The following CRHR2 variants were observed in gnomAD, a reference collection of about 807,000 sequenced individuals.
The protein encoded by CRHR2 is corticotropin-releasing hormone receptor 2.
In CRHR2, 53 loss-of-function variants were observed where a neutral mutation model predicts 57.9. The observed-to-expected ratio is 0.92, with a 90% confidence interval of 0.73 to 1.15. The LOEUF (loss-of-function observed/expected upper bound fraction) is 1.15. Among genes scored for constraint, CRHR2 ranks in the 50% most tolerant of loss-of-function variants. The pLI, the probability that CRHR2 is intolerant of heterozygous loss-of-function variation, is 0.00. For missense variants in CRHR2, 532 were observed against 542.6 expected (o/e 0.98, Z 0.19); for synonymous variants, 213 against 220.9 (o/e 0.96, Z 0.32).
At position 30,674,502 on chromosome 7, in the gene CRHR2, T is replaced by C. The variant is rs189561462; in HGVS notation, c.230-7189A>G. Among the ~76,000 whole-genome samples the C allele has an allele frequency of 5.7e-3, 862 of 152,202 alleles. 7 individuals are homozygous for C. Among genetic ancestry groups the C allele is most frequent in the Middle Eastern group, 0.034 (10 of 294 alleles). ...CCCACCTGGTGCAGATGAACTGAGG[T>C]CTGAAGAGGGGAGACCACCTGCCCA... On this transcript the variant is annotated intron_variant, in intron 2 of 11. Coordinates refer to ENST00000471646, the MANE Select transcript of CRHR2 (RefSeq NM_001883.5).
At chr7:30,682,640 C>A (rs1251386497), upstream of CRHR2, 6 of 471,672 alleles carry the variant, frequency 1.3e-5, no homozygotes. Context: ...CTCTTCCACT[C>A]GCGGCGTCCA....
intron 1 of CRHR2, among the ~76,000 whole-genome samples, chr7:30,698,418 G>A (rs762451322): frequency 6.6e-6 from 1 of 152,110 alleles, no homozygotes; most frequent in Non-Finnish European, 1.5e-5. Flanking sequence ...CCAGAGGGAC[G>A]GGCTGAGGGG....
intron 3 of CRHR2, among the ~76,000 whole-genome samples, chr7:30,666,129 A>G (rs1439512950): frequency 2.0e-5 from 3 of 152,106 alleles, no homozygotes; most frequent in Non-Finnish European, 4.4e-5. Context: ...CTCAGCCCGG[A>G]TCCCAGCTGG....
chr7:30,691,198 A>G (rs1302054392), intron 1 of CRHR2, among the ~76,000 whole-genome samples: 1 of 152,152 alleles, frequency 6.6e-6, no homozygotes, highest in East Asian at 1.9e-4. Context: ...GGTCTGACCC[A>G]TCACCCTCTT....
chr7:30,697,785 C>T (rs1467986336), intron 1 of CRHR2, among the ~76,000 whole-genome samples: 1 of 152,252 alleles, frequency 6.6e-6, no homozygotes, highest in Non-Finnish European at 1.5e-5. Flanking sequence ...GCTCCCCTAT[C>T]CCTTCCCTTG....
At chr7:30,663,876 A>G (rs752859347) in intron 5 of CRHR2, among the ~76,000 whole-genome samples, 12 of 152,244 alleles carry the variant, frequency 7.9e-5, no homozygotes, top group Non-Finnish European at 8.8e-5. Context: ...GCTTCTGCAC[A>G]CAGCCCATCC....
In CRHR2 at chr7:30,653,418, TGGA is replaced by T. The variant is rs1489140211; in HGVS notation, c.*39_*41del. On this transcript the variant is annotated 3_prime_UTR_variant, in exon 12 of 12. Transcript: ENST00000471646. This position sits in a 1 kb window ranked among gnomAD's most constrained non-coding sequence, Gnocchi z 5.0. ...GCACAGAGAACCCAGAGGAAGAAGGTGGAGGAGGACAGGGGAGCTGTGCAGGTG... is the reference window on the plus strand; with the variant it reads ...GCACAGAGAACCCAGAGGAAGAAGGTGGAGGACAGGGGAGCTGTGCAGGTG... 9.4e-6 allele frequency: 15 copies of T among 1,598,294 alleles called. No homozygotes were observed. The highest frequency in any genetic ancestry group is 2.7e-5 in the African/African-American group (2 of 74,352).
intron 5 of CRHR2, 88 bp from the exon 6 acceptor site, chr7:30,662,935 GCTCCCCAAAGGGGGTTC>G: frequency 6.7e-7 from 1 of 1,498,392 alleles, no homozygotes; most frequent in South Asian, 1.3e-5. Flanking sequence ...AAGACACAGG[GCTCCCCAAAGGGGGTTC>G]GTGGACATGC....
rs1352227473 is a variant in CRHR2 at position 30,699,786 on chromosome 7, C to A, written c.-261+158G>T. 41 of 590,186 alleles carry A rather than the reference C, an allele frequency of 6.9e-5. No homozygotes were observed. In the East Asian group the frequency reaches 1.4e-3, roughly 21 times the overall value. 36.6% of individuals were successfully genotyped at this position (590,186 alleles called of 1,614,324 possible). A position where few individuals can be genotyped will look rare whatever the true frequency, so the allele number is the denominator to read the frequency against. ...AGCCCAGCCACCAGGCCCTGAGACC[C>A]CCTCACCCAGGCACGGGATCTCCAA... On this transcript the variant is annotated intron_variant, in intron 1 of 13. Transcript: ENST00000341843.
At chr7:30,692,436 G>A (rs1029855920) in intron 1 of CRHR2, among the ~76,000 whole-genome samples, 10 of 152,174 alleles carry the variant, frequency 6.6e-5, no homozygotes, top group African/African-American at 9.7e-5. Context: ...GCCCCTCAGC[G>A]GTGCTCAGTG....
At chr7:30,695,807 C>G (rs1317040832) in intron 1 of CRHR2, among the ~76,000 whole-genome samples, 1 of 152,144 alleles carries the variant, frequency 6.6e-6, no homozygotes, top group Non-Finnish European at 1.5e-5. Context: ...AGGCTGTGGG[C>G]CGGAATCCTG....
At chr7:30,659,089 T>C (rs1783893673) in intron 8 of CRHR2, among the ~76,000 whole-genome samples, 1 of 152,218 alleles carries the variant, frequency 6.6e-6, no homozygotes, top group African/African-American at 2.4e-5. Flanking sequence ...CTTTTAGGAC[T>C]TGAGCATGCA....
intron 2 of CRHR2, among the ~76,000 whole-genome samples, chr7:30,680,338 C>T (rs1481292694): frequency 6.6e-6 from 1 of 152,176 alleles, no homozygotes; most frequent in East Asian, 1.9e-4. Context: ...AGAAGAGACC[C>T]AGGCCCTGGG....
Position 30,665,374 on chromosome 7 carries a change from G to A in CRHR2, c.425+156C>T, listed in dbSNP as rs1382371570. On this transcript the variant is annotated intron_variant, in intron 4 of 11. Transcript: ENST00000471646. The surrounding 1 kb of genome is among the most constrained non-coding windows in gnomAD (Gnocchi z 4.5). ...CACTCTGCACCCCACATGCCTGCTG[G>A]TGATTCATGCCCTGGCACCCCACCC... 1.3e-5 allele frequency among the ~76,000 whole-genome samples: 2 copies of A among 152,150 alleles called. No individual in the cohort carries two copies. Among genetic ancestry groups the A allele is most frequent in the Non-Finnish European group, 2.9e-5 (2 of 68,032 alleles).
At chr7:30,654,578 A>G (rs1783705192) in intron 11 of CRHR2, 2 of 1,114,066 alleles carry the variant, frequency 1.8e-6, no homozygotes, top group South Asian at 1.6e-5. Context: ...ATTGGCTTGC[A>G]CATGCCAAGC....
chr7:30,655,230 G>A, intron 10 of CRHR2, 150 bp from the exon 11 acceptor site: 1 of 886,524 alleles, frequency 1.1e-6, no homozygotes, highest in Non-Finnish European at 1.7e-6. Context: ...CTAGCCTCAG[G>A]GTGCAGATAT....
chr7:30,690,882 GGT>G (rs937906313), intron 1 of CRHR2, among the ~76,000 whole-genome samples: 7 of 152,212 alleles, frequency 4.6e-5, no homozygotes, highest in African/African-American at 1.7e-4. Context: ...CAGGGGAGCA[GGT>G]GTGTGTGTTG....
intron 7 of CRHR2, among the ~76,000 whole-genome samples, 191 bp downstream of exon 7, chr7:30,661,965 C>T (rs927791563): frequency 3.9e-5 from 6 of 152,188 alleles, no homozygotes; most frequent in Non-Finnish European, 5.9e-5. Flanking sequence ...CAGCAAAGTT[C>T]CTTGAGCCCT....
intron 2 of CRHR2, among the ~76,000 whole-genome samples, chr7:30,680,009 C>T (rs1022914514): frequency 2.0e-5 from 3 of 152,194 alleles, no homozygotes; most frequent in African/African-American, 7.2e-5. Context: ...TCATTAGATA[C>T]CAGGGGCTAA....
Sources: allele counts gnomAD v4.1 joint callset (sites outside exome capture counted in the v4.1 genomes callset), GRCh38; gene constraint gnomAD v4.1.1; non-coding constraint Gnocchi (gnomAD v3.1); transcripts MANE v1.5; gene names NCBI Gene and HGNC (gene_info 2026-07-23, HGNC 2026-07-21).